PPP4R4: variants seen among roughly 807,000 people sequenced by gnomAD.
The protein encoded by PPP4R4 is protein phosphatase 4 regulatory subunit 4, also known as serine/threonine-protein phosphatase 4 regulatory subunit 4.
In PPP4R4, 70 loss-of-function variants were observed where a neutral mutation model predicts 121.8. The ratio of observed to expected loss-of-function variants is 0.57; its 90% CI spans 0.47 to 0.70. The LOEUF (loss-of-function observed/expected upper bound fraction) is 0.70, where lower values mean the gene tolerates loss of function less well. Among genes scored for constraint, PPP4R4 ranks in the 30% least tolerant of loss-of-function variants. The pLI is 0.00. For synonymous variants in PPP4R4, 348 were observed against 355.7 expected, an observed-to-expected ratio of 0.98 and a Z score of 0.24; for missense variants, 875 against 1,033.6, an observed-to-expected ratio of 0.85 and a Z score of 2.10.
intron 23 of PPP4R4, 29 bp from the exon 24 acceptor site, chr14:94,275,345 A>G (rs781665065): frequency 6.2e-7 from 1 of 1,610,274 alleles, no homozygotes; most frequent in African/African-American, 1.3e-5. Context: ...TATATTTGGT[A>G]TGTCTGACTT....
At chr14:94,174,759 C>T (rs546450709) in intron 1 of PPP4R4, among the ~76,000 whole-genome samples, 177 bp downstream of exon 1, 1 of 152,146 alleles carries the variant, frequency 6.6e-6, no homozygotes, top group South Asian at 2.1e-4. Context: ...AGCCAGTTCC[C>T]TCTCGGACCC....
intron 23 of PPP4R4, among the ~76,000 whole-genome samples, chr14:94,267,942 CT>C (rs1235304930): frequency 6.6e-6 from 1 of 152,106 alleles, no homozygotes; most frequent in Non-Finnish European, 1.5e-5. Flanking sequence ...AAGAGAAAAT[CT>C]TTCTAGCATT....
At chr14:94,273,173 C>T (rs1013608605) in intron 23 of PPP4R4, among the ~76,000 whole-genome samples, 6 of 152,138 alleles carry the variant, frequency 3.9e-5, no homozygotes, top group South Asian at 4.1e-4. Context: ...TACATCCACA[C>T]GAAAATCTGA....
At chr14:94,232,018 C>A (rs560289996) in intron 5 of PPP4R4, among the ~76,000 whole-genome samples, 1 of 152,132 alleles carries the variant, frequency 6.6e-6, no homozygotes, top group Non-Finnish European at 1.5e-5. Flanking sequence ...TTGATCCTAT[C>A]CTTTAATCAC....
At chr14:94,271,234 A>G (rs969935394) in intron 23 of PPP4R4, among the ~76,000 whole-genome samples, 1 of 152,204 alleles carries the variant, frequency 6.6e-6, no homozygotes, top group Non-Finnish European at 1.5e-5. Context: ...ACATACCAAC[A>G]TCTCTCAAGA....
chr14:94,265,721 G>A, intron 21 of PPP4R4, 73 bp from the exon 22 acceptor site: 2 of 1,098,014 alleles, frequency 1.8e-6, no homozygotes, highest in Non-Finnish European at 2.7e-6. Flanking sequence ...GATGGTAGTT[G>A]GGGAGGGAAT....
chr14:94,215,197 T>TG (rs1890957475), intron 3 of PPP4R4, among the ~76,000 whole-genome samples: 1 of 152,208 alleles, frequency 6.6e-6, no homozygotes, highest in African/African-American at 2.4e-5. Flanking sequence ...CTCCGTGTGA[T>TG]GTATTTATAC....
intron 19 of PPP4R4, among the ~76,000 whole-genome samples, chr14:94,264,042 GTTTT>G (rs1893911691): frequency 6.6e-6 from 1 of 152,124 alleles, no homozygotes; most frequent in African/African-American, 2.4e-5. Flanking sequence ...TTTTGGTAAC[GTTTT>G]GTTTCATGAT....
chr14:94,191,621 T>A (rs972237162), intron 2 of PPP4R4, among the ~76,000 whole-genome samples: 1 of 152,148 alleles, frequency 6.6e-6, no homozygotes, highest in Admixed American at 6.5e-5. Flanking sequence ...TATAAATTGT[T>A]GAAGAGCCAC....
intron 2 of PPP4R4, among the ~76,000 whole-genome samples, chr14:94,203,328 A>AGCATAATT (rs1237178580): frequency 1.3e-5 from 2 of 152,206 alleles, no homozygotes; most frequent in African/African-American, 4.8e-5. Context: ...TTTTTCACTT[A>AGCATAATT]GCATAATTTC....
chr14:94,265,462 C>A lies in PPP4R4; in HGVS notation c.2273C>A (p.Thr758Asn), dbSNP rs1222002172. 5.6e-6 allele frequency: 9 copies of A among 1,608,138 alleles called. No individual in the cohort carries two copies. Among genetic ancestry groups the A allele is most frequent in the Non-Finnish European group, 7.7e-6 (9 of 1,174,776 alleles). ...TCTGTTCCTGGACCCTCTTCTGTCA[C>A]CCCATCGACAAGTAAGAAATAACTT... ...PISVPGPSSV[T>N]PSTSKEIKKS... The change falls in exon 21 of 25, where the codon ACC becomes AAC. Residue 758 changes from threonine (T) to asparagine (N), a missense_variant. Physicochemically the swap from Thr to Asn is moderately conservative, Grantham distance 65. Coordinates refer to ENST00000304338, the MANE Select transcript of PPP4R4 (RefSeq NM_058237.2).
intron 22 of PPP4R4, among the ~76,000 whole-genome samples, 158 bp downstream of exon 22, chr14:94,266,045 A>T (rs1894037277): frequency 6.6e-6 from 1 of 152,070 alleles, no homozygotes; most frequent in Non-Finnish European, 1.5e-5. Flanking sequence ...TGTTATATTT[A>T]AAAATAAGAG....
At chr14:94,265,573 A>G (rs1107110) in intron 21 of PPP4R4, 100 bp downstream of exon 21, 206,745 of 1,058,674 alleles carry the variant, frequency 0.2, 24,170 homozygotes, top group East Asian at 0.59. Context: ...GTAGGATAAT[A>G]TATCTCATTC....
chr14:94,253,584 A>G (rs1276630767), intron 16 of PPP4R4, among the ~76,000 whole-genome samples: 1 of 152,234 alleles, frequency 6.6e-6, no homozygotes, highest in Non-Finnish European at 1.5e-5. Flanking sequence ...AATGTGATGT[A>G]TTGTCACTTA....
At chr14:94,258,959 C>T in intron 18 of PPP4R4, 135 bp downstream of exon 18, 1 of 834,916 alleles carries the variant, frequency 1.2e-6, no homozygotes, top group Non-Finnish European at 1.9e-6. Context: ...GGAGGCCTCA[C>T]AATCGTGACA....
At chr14:94,215,108 G>A (rs1890952813) in intron 3 of PPP4R4, among the ~76,000 whole-genome samples, 1 of 152,140 alleles carries the variant, frequency 6.6e-6, no homozygotes, top group South Asian at 2.1e-4. Flanking sequence ...TACTCAAGCT[G>A]TAATAATGTG....
intron 15 of PPP4R4, 31 bp downstream of exon 15, chr14:94,250,308 A>G (rs1362844778): frequency 2.7e-6 from 4 of 1,477,858 alleles, no homozygotes; most frequent in Non-Finnish European, 3.8e-6. Context: ...ATTTTGAAAA[A>G]GGAAAGTAAA....
At chr14:94,209,883 T>C (rs1890653044) in intron 3 of PPP4R4, among the ~76,000 whole-genome samples, 2 of 152,098 alleles carry the variant, frequency 1.3e-5, no homozygotes, top group South Asian at 4.1e-4. Flanking sequence ...ATATTAGATA[T>C]CCAAAGTTTC....
intron 3 of PPP4R4, among the ~76,000 whole-genome samples, chr14:94,212,433 T>C (rs931887941): frequency 3.3e-5 from 5 of 152,140 alleles, no homozygotes; most frequent in African/African-American, 1.2e-4. Flanking sequence ...TCCATAGTAT[T>C]TCCCCAATTT....
Sources: allele counts gnomAD v4.1 joint callset (sites outside exome capture counted in the v4.1 genomes callset), GRCh38; gene constraint gnomAD v4.1.1; transcripts MANE v1.5; gene names NCBI Gene and HGNC (gene_info 2026-07-23, HGNC 2026-07-21).